The following TMEM106C variants were observed in gnomAD, a reference collection of about 807,000 sequenced individuals.
TMEM106C encodes endoplasmic reticulum membrane protein overexpressed in cancer.
In TMEM106C, 27 loss-of-function variants were observed where a neutral mutation model predicts 30.8. The ratio of observed to expected loss-of-function variants is 0.88; its 90% confidence interval spans 0.65 to 1.21. The LOEUF (loss-of-function observed/expected upper bound fraction) is 1.21. Among genes scored for constraint, TMEM106C ranks in the 50% most tolerant of loss-of-function variants. The pLI, the probability that TMEM106C is intolerant of heterozygous loss-of-function variation, is 0.00. For missense variants in TMEM106C, 288 were observed against 307.8 expected, an observed-to-expected ratio of 0.94 and a Z score of 0.48; for synonymous variants, 123 against 118.8, an observed-to-expected ratio of 1.04 and a Z score of -0.23.
chr12:47,966,210 C>G lies in TMEM106C; in HGVS notation c.533C>G (p.Pro178Arg), dbSNP rs778392934. ...TYVTTNVSLI[P>R]PRSEQLVNFT... ...GTGACTACTAACGTCTCCCTTATTCCACCTCGGAGTGAGCAACTGGTATGC... is the reference window on the plus strand; with the variant it reads ...GTGACTACTAACGTCTCCCTTATTCGACCTCGGAGTGAGCAACTGGTATGC... The change falls in exon 5 of 8, where the codon CCA (proline) becomes CGA (arginine). Residue 178 changes from proline (P) to arginine (R), a missense_variant. Physicochemically the swap from Pro to Arg is moderately radical, Grantham distance 103. Coordinates refer to ENST00000429772, the MANE Select transcript of TMEM106C (RefSeq NM_001143842.2). The G allele has an allele frequency of 6.2e-7, 1 of 1,614,088 alleles. No individual in the cohort carries two copies.
chr12:47,965,317 A>G lies in TMEM106C; in HGVS notation c.223A>G (p.Ser75Gly), dbSNP rs1468109914. The change falls in exon 3 of 8, where the codon AGT (serine) becomes GGT (glycine). Residue 75 changes from serine to glycine, a missense_variant. Ser to Gly is a moderately conservative substitution (Grantham distance 56, BLOSUM62 0). Coordinates refer to ENST00000429772, the MANE Select transcript of TMEM106C (RefSeq NM_001143842.2). ...TGAGTTGGTGGCTTTGATCCCACAC[A>G]GTGATCAGAGATTGCGCCCTCAGCG... ...VNELVALIPHSDQRLRPQRTK... is the reference protein window; with the variant it reads ...VNELVALIPHGDQRLRPQRTK... 6.2e-7 allele frequency: 1 copy of G among 1,614,034 alleles called. No homozygotes were observed. The highest frequency in any genetic ancestry group is 8.5e-7 in the Non-Finnish European group (1 of 1,180,012).
At chr12:47,965,747 C>T in intron 3 of TMEM106C, 91 bp from the exon 4 acceptor site, 1 of 1,502,070 alleles carries the variant, frequency 6.7e-7, no homozygotes, top group Non-Finnish European at 9.1e-7. Flanking sequence ...CCTTTCAGCT[C>T]CCTTCTCTTT....
intron 2 of TMEM106C, chr12:47,964,640 G>A (rs1694041660): frequency 1.8e-6 from 1 of 565,440 alleles, no homozygotes; most frequent in African/African-American, 1.9e-5. Flanking sequence ...CGCCACTCTT[G>A]TTCTTTTCCT....
rs1228588791 is a variant in TMEM106C, at chr12:47,968,836, G to A, written c.*607G>A. The A allele has an allele frequency of 6.4e-6, 1 of 156,602 alleles. No homozygotes were observed. The highest frequency in any genetic ancestry group is 1.4e-5 in the Non-Finnish European group (1 of 71,106). 9.7% of individuals were successfully genotyped at this position (156,602 alleles called of 1,614,324 possible). A position where few individuals can be genotyped will look rare whatever the true frequency, so the allele number is the denominator to read the frequency against. ...ACCCTTCATCCATTGGCTGGAACAT[G>A]GATTGGGGATTTGATAGAAAAATAA... On this transcript the variant is annotated 3_prime_UTR_variant, in exon 8 of 8. Transcript: ENST00000429772.
At chr12:47,965,690 C>A in intron 3 of TMEM106C, 148 bp from the exon 4 acceptor site, 2 of 1,003,670 alleles carry the variant, frequency 2.0e-6, no homozygotes, top group Non-Finnish European at 1.5e-6. Flanking sequence ...GTTTCTCCTG[C>A]TTCACTGCTT....
rs375754761 is a variant in TMEM106C, at chr12:47,967,265, C to T, written c.656+4C>T. On this transcript the variant is annotated splice_donor_region_variant and intron_variant, in intron 7 of 7. Transcript: ENST00000429772. ...ACAACATAGTGATCTTCATGCGGTG[C>T]GTCTCTCTTCCCTATCCCGATGGCC... is the stretch of plus-strand genomic sequence containing the variant. The T allele has an allele frequency of 1.6e-5, 26 of 1,613,998 alleles. No individual in the cohort carries two copies. Among genetic ancestry groups the T allele is most frequent in the African/African-American group, 4.0e-5 (3 of 74,912 alleles).
chr12:47,966,889 T>A, intron 6 of TMEM106C, 157 bp downstream of exon 6: 1 of 712,988 alleles, frequency 1.4e-6, no homozygotes, highest in Non-Finnish European at 2.4e-6. Flanking sequence ...AAGAATGTAT[T>A]ATTATTATGT....
At position 47,968,816 on chromosome 12, in the gene TMEM106C, T is replaced by G. The variant is rs1938337828; in HGVS notation, c.*587T>G. ...GTCTATGTGGGGCTTGATTCACCCT[T>G]CATCCATTGGCTGGAACATGGATTG... On this transcript the variant is annotated 3_prime_UTR_variant, in exon 8 of 8. Coordinates refer to ENST00000429772, the MANE Select transcript of TMEM106C (RefSeq NM_001143842.2). 1 of 157,780 alleles carries G rather than the reference T, an allele frequency of 6.3e-6. No homozygotes were observed. Among genetic ancestry groups the G allele is most frequent in the Non-Finnish European group, 1.4e-5 (1 of 71,720 alleles). The allele number at this position is 157,780 out of a possible 1,614,324, so 9.8% of individuals were successfully genotyped here. A position where few individuals can be genotyped will look rare whatever the true frequency, so the allele number is the denominator to read the frequency against.
rs1318551876 is a variant in TMEM106C, at chr12:47,965,942, A to T, written c.356A>T (p.Lys119Ile). ...HSVLVDDDGI[K>I]VVKVTFNKQD... is the part of the protein sequence containing the mutation. ...GTCCTTGTGGATGATGACGGCATCA[A>T]AGTGGTGAAAGTCACATTTAATAAG... Residue 119 changes from lysine (K) to isoleucine (I), a missense_variant, in exon 4 of 8, where the codon AAA becomes ATA. Transcript: ENST00000429772. 3 of 1,614,226 alleles carry T rather than the reference A, an allele frequency of 1.9e-6. No individual in the cohort carries two copies. In the African/African-American group the frequency reaches 4.0e-5, roughly 22 times the overall value.
In TMEM106C at chr12:47,964,345, C is replaced by G. The variant is rs1426093002; in HGVS notation, c.109C>G (p.Gln37Glu). The G allele has an allele frequency of 1.2e-6, 2 of 1,614,216 alleles. No homozygotes were observed. Among genetic ancestry groups the G allele is most frequent in the Non-Finnish European group, 8.5e-7 (1 of 1,180,040 alleles). The stretch of plus-strand genomic sequence containing the variant: ...ACGAGAGCAGGAAGAAGCCATTGCT[C>G]AGTTCCCATATGTGGAATTCACCGG... ...AEREQEEAIA[Q>E]FPYVEFTGRD... Residue 37 changes from glutamine (Q) to glutamate (E), a missense_variant, in exon 2 of 8, where the codon CAG (glutamine) becomes GAG (glutamate). Gln to Glu is a conservative substitution (Grantham distance 29). Coordinates refer to ENST00000429772, the MANE Select transcript of TMEM106C (RefSeq NM_001143842.2).
In TMEM106C at chr12:47,968,466, C is replaced by T; in HGVS notation, c.*237C>T. 2 of 584,362 alleles carry T rather than the reference C, an allele frequency of 3.4e-6. No homozygotes were observed. The highest frequency in any genetic ancestry group is 6.3e-6 in the Non-Finnish European group (2 of 317,244). The allele number at this position is 584,362 out of a possible 1,614,324, so 36.2% of individuals were successfully genotyped here. A position where few individuals can be genotyped will look rare whatever the true frequency, so the allele number is the denominator to read the frequency against. On this transcript the variant is annotated 3_prime_UTR_variant, in exon 8 of 8. Coordinates refer to ENST00000429772, the MANE Select transcript of TMEM106C (RefSeq NM_001143842.2). ...CTGTGCCCAGCAAATAGTTGGCACT[C>T]AATAAAGATTTGCAGAATTTAATAC...
At chr12:47,966,395 A>G in intron 5 of TMEM106C, 166 bp downstream of exon 5, 2 of 800,468 alleles carry the variant, frequency 2.5e-6, no homozygotes, top group Non-Finnish European at 3.8e-6. Context: ...TAATTGTGAG[A>G]AAAAACAGCT....
intron 3 of TMEM106C, 104 bp downstream of exon 3, chr12:47,965,449 A>G: frequency 9.1e-7 from 1 of 1,093,094 alleles, no homozygotes; most frequent in Non-Finnish European, 1.4e-6. Context: ...ATGTTCTTAT[A>G]AGTTCCCCAT....
rs1011032159 is a variant in TMEM106C at position 47,968,862 on chromosome 12, A to G, written c.*633A>G. On this transcript the variant is annotated 3_prime_UTR_variant, in exon 8 of 8. Coordinates refer to ENST00000429772, the MANE Select transcript of TMEM106C (RefSeq NM_001143842.2). ...GATTGGGGATTTGATAGAAAAATAAACCCTGCTTTTGATTCATCTGTGTCT... is the reference window on the plus strand; with the variant it reads ...GATTGGGGATTTGATAGAAAAATAAGCCCTGCTTTTGATTCATCTGTGTCT... 2 of 156,598 alleles carry G rather than the reference A, an allele frequency of 1.3e-5. No individual in the cohort carries two copies. The highest frequency in any genetic ancestry group is 4.8e-5 in the African/African-American group (2 of 41,354). 9.7% of individuals were successfully genotyped at this position (156,598 alleles called of 1,614,324 possible).
intron 2 of TMEM106C, chr12:47,964,897 T>A: frequency 3.8e-6 from 1 of 260,446 alleles, no homozygotes. Flanking sequence ...CCTCAGAAAG[T>A]CTTTAACAGT....
chr12:47,965,424 C>G lies in TMEM106C; in HGVS notation c.251+79C>G. Reference sequence around the variant, plus strand: ...CTGTATGTATGAATGCCAGTTAATTCTTTGAAAACTACACATGTTCTTATA... The same window carrying G: ...CTGTATGTATGAATGCCAGTTAATTGTTTGAAAACTACACATGTTCTTATA... On this transcript the variant is annotated intron_variant, in intron 3 of 7. Transcript: ENST00000429772. 7.8e-6 allele frequency: 10 copies of G among 1,275,750 alleles called. 1 individual carries two copies. The South Asian group carries it at 1.2e-4, about 16-fold the overall frequency. The allele number at this position is 1,275,750 out of a possible 1,614,324, so 79.0% of individuals were successfully genotyped here.
At chr12:47,964,044 A>C in intron 1 of TMEM106C, 165 bp from the exon 2 acceptor site, 1 of 610,078 alleles carries the variant, frequency 1.6e-6, no homozygotes, top group Non-Finnish European at 2.9e-6. Context: ...GAGAGTGGGT[A>C]GCACTACTAC....
chr12:47,963,973 C>T lies in TMEM106C; in HGVS notation c.-28-236C>T, dbSNP rs4417373. The stretch of plus-strand genomic sequence containing the variant: ...AGGGCGGTGAGGATCGAGGCAGGTG[C>T]GTGAAAGGCAGGCCCCGTTCCCCCT... On this transcript the variant is annotated intron_variant, in intron 1 of 7. Transcript: ENST00000429772. 1.2e-5 allele frequency: 6 copies of T among 516,552 alleles called. No individual in the cohort carries two copies. The Admixed American group carries it at 2.0e-4, about 17-fold the overall frequency. 32.0% of individuals were successfully genotyped at this position (516,552 alleles called of 1,614,324 possible).
At chr12:47,965,418 T>C in intron 3 of TMEM106C, 73 bp downstream of exon 3, 2 of 1,354,702 alleles carry the variant, frequency 1.5e-6, no homozygotes, top group East Asian at 4.6e-5. Context: ...TGAATGCCAG[T>C]TAATTCTTTG....
Sources: gnomAD v4.1 joint callset for allele counts on GRCh38, gnomAD v4.1.1 for gene constraint, MANE v1.5 for transcripts, NCBI Gene and HGNC (gene_info 2026-07-23, HGNC 2026-07-21) for gene names.